Variants in PUM1 observed in about 807,000 individuals in gnomAD.
PUM1 encodes pumilio homolog 1.
Under a neutral mutation model 131.8 loss-of-function variants are expected in PUM1, and 13 were observed. That is an observed-to-expected ratio of 0.10 (90% CI 0.06 to 0.16). PUM1 has a LOEUF of 0.16. Among genes scored for constraint, PUM1 ranks in the 10% least tolerant of loss-of-function variants. The pLI, the probability that PUM1 is intolerant of heterozygous loss-of-function variation, is 1.00. For synonymous variants in PUM1, 509 were observed against 556.5 expected (o/e 0.91, Z 1.20); for missense variants, 961 against 1,512.4 (o/e 0.64, Z 6.05).
At chr1:31,013,560 A>C (rs1033499033) in intron 3 of PUM1, among the ~76,000 whole-genome samples, 2 of 152,250 alleles carry the variant, frequency 1.3e-5, no homozygotes, top group Non-Finnish European at 2.9e-5. Context: ...AATGCAGCCA[A>C]TGCAGGAAAC....
chr1:31,030,876 A>G (rs1215857049), intron 2 of PUM1, among the ~76,000 whole-genome samples: 1 of 152,228 alleles, frequency 6.6e-6, no homozygotes, highest in African/African-American at 2.4e-5. Flanking sequence ...AATGAGACAC[A>G]CCGTATCACT....
At chr1:31,024,944 G>A (rs758426325) in intron 3 of PUM1, among the ~76,000 whole-genome samples, 1 of 152,186 alleles carries the variant, frequency 6.6e-6, no homozygotes, top group Non-Finnish European at 1.5e-5. Flanking sequence ...TCGATTAGCA[G>A]ACTGATCTCT....
rs1472297159 is a variant in PUM1, at chr1:30,968,455, G to C, written c.1544C>G (p.Pro515Arg). 2 of 1,593,476 alleles carry C rather than the reference G, an allele frequency of 1.3e-6. No individual in the cohort carries two copies. The highest frequency in any genetic ancestry group is 1.7e-6 in the Non-Finnish European group (2 of 1,174,522). The change falls in exon 11 of 22, where the codon CCA (proline) becomes CGA (arginine). Residue 515 changes from proline (P) to arginine (R), a missense_variant. Coordinates refer to ENST00000426105, the MANE Select transcript of PUM1 (RefSeq NM_001020658.2). ...RGGASQRPLT[P>R]NQNQQGQQTD... ...TTGCTGTCCCTGCTGGTTCTGGTTT[G>C]GGGTCAAAGGACGTTGGCTGGCTCC...
chr1:31,060,410 G>A (rs112638031), intron 1 of PUM1, among the ~76,000 whole-genome samples: 3,788 of 151,456 alleles, frequency 0.025, 169 homozygotes, highest in African/African-American at 0.086. Flanking sequence ...GCAGTGAGCC[G>A]AGATCATGCC....
chr1:30,996,942 A>T (rs1332559769), intron 5 of PUM1, among the ~76,000 whole-genome samples: 2 of 135,996 alleles, frequency 1.5e-5, no homozygotes, highest in South Asian at 4.8e-4. Context: ...TAAAAGGAAC[A>T]AAAAAATCAT....
intron 2 of PUM1, among the ~76,000 whole-genome samples, chr1:31,035,245 C>T (rs1393538079): frequency 6.6e-6 from 1 of 151,882 alleles, no homozygotes; most frequent in Admixed American, 6.6e-5. Flanking sequence ...ATATGAAAAT[C>T]AGCCAGGCAT....
intron 18 of PUM1, among the ~76,000 whole-genome samples, chr1:30,944,049 T>C (rs1639568359): frequency 6.6e-6 from 1 of 152,240 alleles, no homozygotes; most frequent in Non-Finnish European, 1.5e-5. Context: ...GGTGGATTTA[T>C]CGTTTTATCT....
chr1:30,952,822 A>C (rs1269289895), intron 15 of PUM1, among the ~76,000 whole-genome samples: 3 of 151,950 alleles, frequency 2.0e-5, no homozygotes, highest in African/African-American at 7.3e-5. Flanking sequence ...AGTCCTTACT[A>C]TATTCTTTAA....
At chr1:31,017,682 A>C (rs1185185614) in intron 3 of PUM1, among the ~76,000 whole-genome samples, 1 of 152,142 alleles carries the variant, frequency 6.6e-6, no homozygotes, top group Non-Finnish European at 1.5e-5. Context: ...CAATGAACCA[A>C]GGTAGGCAGA....
intron 1 of PUM1, among the ~76,000 whole-genome samples, chr1:31,063,110 T>C (rs895586542): frequency 1.3e-5 from 2 of 152,136 alleles, no homozygotes; most frequent in Non-Finnish European, 1.5e-5. Context: ...AAAGAATTCA[T>C]TACTCTCTTA....
chr1:30,989,663 A>G, intron 7 of PUM1, among the ~76,000 whole-genome samples: 1 of 150,656 alleles, frequency 6.6e-6, no homozygotes, highest in East Asian at 2.0e-4. Context: ...CCATAGTTGC[A>G]GGGTTCCAAG....
Position 30,953,748 on chromosome 1 carries a change from T to C in PUM1, c.2557A>G (p.Ile853Val), listed in dbSNP as rs1640041185. The C allele has an allele frequency of 6.2e-7, 1 of 1,614,234 alleles. No individual in the cohort carries two copies. The highest frequency in any genetic ancestry group is 8.5e-7 in the Non-Finnish European group (1 of 1,180,030). ...TGCTGGTCTTGGGAAAATTCCATTATATGTCCAGCAATCTCCCGCAGTTGT... is the reference window on the plus strand; with the variant it reads ...TGCTGGTCTTGGGAAAATTCCATTACATGTCCAGCAATCTCCCGCAGTTGT... Reference protein sequence around the residue: ...NLQLREIAGHIMEFSQDQHGS... With the variant: ...NLQLREIAGHVMEFSQDQHGS... Residue 853 changes from isoleucine (I) to valine (V), a missense_variant, in exon 15 of 22, where the codon ATA becomes GTA. Ile to Val is a conservative substitution (Grantham distance 29). This residue lies in a region of PUM1 where 117 missense variants were observed against 200.7 expected (regional missense o/e 0.58). Coordinates refer to ENST00000426105, the MANE Select transcript of PUM1 (RefSeq NM_001020658.2).
Position 30,996,796 on chromosome 1 carries a change from T to A in PUM1, c.721-1576A>T, listed in dbSNP as rs1641995255. Reference sequence around the variant, plus strand: ...TGATAGGGTTCTAAAGGCAAAAAGATCTTTCAAAATATCCAAAGGCAATAG... The same window carrying A: ...TGATAGGGTTCTAAAGGCAAAAAGAACTTTCAAAATATCCAAAGGCAATAG... On this transcript the variant is annotated intron_variant, in intron 5 of 21. Coordinates refer to ENST00000426105, the MANE Select transcript of PUM1 (RefSeq NM_001020658.2). Among the ~76,000 whole-genome samples, 3 of 152,218 alleles carry A rather than the reference T, an allele frequency of 2.0e-5. No homozygotes were observed. In the South Asian group the frequency reaches 6.2e-4, roughly 32 times the overall value.
intron 2 of PUM1, among the ~76,000 whole-genome samples, chr1:31,053,993 C>A (rs1644173894): frequency 6.8e-6 from 1 of 146,592 alleles, no homozygotes; most frequent in South Asian, 2.2e-4. Context: ...ACTGGGGAGA[C>A]TGAGGCAGGA....
In PUM1 at chr1:30,977,937, G is replaced by C. The variant is rs192974610; in HGVS notation, c.1354+2125C>G. 6.6e-5 allele frequency among the ~76,000 whole-genome samples: 10 copies of C among 152,252 alleles called. No individual in the cohort carries two copies. In the East Asian group the frequency reaches 1.9e-3, roughly 29 times the overall value. ...CAACTCTACAACATTTAAATTGTGT[G>C]ACTTCAAATGAGACAGTTCTCTCTA... On this transcript the variant is annotated intron_variant, in intron 9 of 21. Transcript: ENST00000426105.
intron 5 of PUM1, among the ~76,000 whole-genome samples, chr1:31,003,339 T>C (rs955544585): frequency 6.6e-6 from 1 of 152,176 alleles, no homozygotes; most frequent in African/African-American, 2.4e-5. Flanking sequence ...GTATGCATAC[T>C]ATGACAAAAA....
intron 10 of PUM1, among the ~76,000 whole-genome samples, chr1:30,972,804 G>A (rs1038415722): frequency 4.0e-5 from 6 of 150,272 alleles, no homozygotes; most frequent in African/African-American, 1.5e-4. Context: ...ATTTGGCCAG[G>A]CGTGGTGGCT....
chr1:31,028,482 T>C (rs1643301341), intron 3 of PUM1, among the ~76,000 whole-genome samples: 1 of 152,230 alleles, frequency 6.6e-6, no homozygotes, highest in African/African-American at 2.4e-5. Context: ...GGCCTTTTAT[T>C]TAATGCATAT....
chr1:31,049,654 T>C (rs945969252), intron 2 of PUM1, among the ~76,000 whole-genome samples: 7 of 151,916 alleles, frequency 4.6e-5, no homozygotes, highest in Non-Finnish European at 1.0e-4. Flanking sequence ...CTCTCCAGCC[T>C]AGGTGAAAGG....
Sources: allele counts gnomAD v4.1 joint callset (sites outside exome capture counted in the v4.1 genomes callset), GRCh38; gene constraint gnomAD v4.1.1; regional missense constraint gnomAD v4.1.1; transcripts MANE v1.5; gene names NCBI Gene and HGNC (gene_info 2026-07-23, HGNC 2026-07-21).